Variants in LHFPL5 observed in about 807,000 individuals in gnomAD.
LHFPL5 encodes LHFPL tetraspan subfamily member 5, also known as LHFPL tetraspan subfamily member 5 protein.
In LHFPL5, 12 loss-of-function variants were observed where a neutral mutation model predicts 18.7. The observed-to-expected ratio is 0.64, with a 90% confidence interval of 0.41 to 1.04. The LOEUF (loss-of-function observed/expected upper bound fraction) is 1.04, where lower values mean the gene tolerates loss of function less well. Ranked by LOEUF, LHFPL5 falls within the 50% of genes least tolerant of loss-of-function variation. The probability of loss-of-function intolerance (pLI) is 0.00; values close to 1 mark genes in which losing one functional copy is unlikely to be tolerated. For missense variants in LHFPL5, 259 were observed against 292.1 expected (o/e 0.89, Z 0.83); for synonymous variants, 111 against 120.2 (o/e 0.92, Z 0.50).
intron 1 of LHFPL5, among the ~76,000 whole-genome samples, chr6:35,808,250 AG>A (rs1768603556): frequency 6.6e-6 from 1 of 151,320 alleles, no homozygotes. Flanking sequence ...CAGAAGTTCA[AG>A]ACTTCAAGAC....
At chr6:35,807,512 G>T (rs1768591147) in intron 1 of LHFPL5, among the ~76,000 whole-genome samples, 1 of 152,114 alleles carries the variant, frequency 6.6e-6, no homozygotes, top group Admixed American at 6.6e-5. Context: ...TCGGTGAGAT[G>T]TCCAGGAGTA....
intron 1 of LHFPL5, among the ~76,000 whole-genome samples, chr6:35,813,741 C>A (rs1410669022): frequency 6.7e-6 from 1 of 148,340 alleles, no homozygotes; most frequent in African/African-American, 2.5e-5. Flanking sequence ...ACCATAAAAA[C>A]AAAATATACT....
chr6:35,806,857 T>G (rs183208964), intron 1 of LHFPL5, among the ~76,000 whole-genome samples: 5 of 152,284 alleles, frequency 3.3e-5, no homozygotes, highest in African/African-American at 7.2e-5. Context: ...AGAGTCTCAC[T>G]CTTTGGCTCA....
chr6:35,809,704 A>G (rs775192532), intron 1 of LHFPL5, among the ~76,000 whole-genome samples: 30 of 152,140 alleles, frequency 2.0e-4, no homozygotes, highest in Admixed American at 6.6e-5. Context: ...GGGTTTCACC[A>G]TGTTGCTCAG....
intron 3 of LHFPL5, chr6:35,819,741 G>A (rs959059762): frequency 1.1e-5 from 5 of 469,098 alleles, no homozygotes; most frequent in Admixed American, 3.3e-5. Flanking sequence ...GCAATGGTGC[G>A]ATCTCGGCTC....
rs886061340 is a variant in LHFPL5, at chr6:35,805,366, G to A, written c.-305G>A. ...GGGGCGGGGCTCTCGGGAGCCGTGA[G>A]CCGGGAAGAGGGAGACGGGCAGGGC... On this transcript the variant is annotated 5_prime_UTR_variant, in exon 1 of 4. Coordinates refer to ENST00000360215, the MANE Select transcript of LHFPL5 (RefSeq NM_182548.4). The surrounding 1 kb of genome is among the most constrained non-coding windows in gnomAD (Gnocchi z 4.3). 5 of 373,450 alleles carry A rather than the reference G, an allele frequency of 1.3e-5. No homozygotes were observed. Among genetic ancestry groups the A allele is most frequent in the South Asian group, 9.0e-5 (3 of 33,492 alleles). The allele number at this position is 373,450 out of a possible 1,614,324, so 23.1% of individuals were successfully genotyped here. A position where few individuals can be genotyped will look rare whatever the true frequency, so the allele number is the denominator to read the frequency against.
At position 35,823,916 on chromosome 6, in the gene LHFPL5, C is replaced by T. The variant is rs1379617115; in HGVS notation, c.*951C>T. On this transcript the variant is annotated 3_prime_UTR_variant, in exon 4 of 4. Coordinates refer to ENST00000360215, the MANE Select transcript of LHFPL5 (RefSeq NM_182548.4). ...ATAGTCATCTATAGGGGGATTGGTT[C>T]CAGGATCCCCTGCAGATGCCAAAAT... is the stretch of plus-strand genomic sequence containing the variant. 6.6e-6 allele frequency: 1 copy of T among 151,822 alleles called. No homozygotes were observed. The highest frequency in any genetic ancestry group is 2.4e-5 in the African/African-American group (1 of 41,296). The allele number at this position is 151,822 out of a possible 1,614,324, so 9.4% of individuals were successfully genotyped here.
chr6:35,807,633 A>AT (rs1768592995), intron 1 of LHFPL5, among the ~76,000 whole-genome samples: 1 of 152,180 alleles, frequency 6.6e-6, no homozygotes, highest in Non-Finnish European at 1.5e-5. Context: ...ACCACCAAAC[A>AT]TGCAGATTCA....
chr6:35,815,262 C>A (rs1462190404), intron 2 of LHFPL5, among the ~76,000 whole-genome samples: 1 of 152,074 alleles, frequency 6.6e-6, no homozygotes, highest in Non-Finnish European at 1.5e-5. Context: ...GGAACAGCAG[C>A]CTTGGGATTC....
At chr6:35,810,688 T>G (rs1037698954) in intron 1 of LHFPL5, among the ~76,000 whole-genome samples, 17 of 151,324 alleles carry the variant, frequency 1.1e-4, no homozygotes, top group Admixed American at 9.2e-4. Context: ...TTAGCTGGGC[T>G]TGGTGGCGGG....
intron 1 of LHFPL5, among the ~76,000 whole-genome samples, chr6:35,808,477 G>C (rs1768608051): frequency 6.9e-6 from 1 of 144,374 alleles, no homozygotes; most frequent in African/African-American, 2.5e-5. Context: ...GCGAAACTGT[G>C]TCTCTACAAA....
intron 1 of LHFPL5, among the ~76,000 whole-genome samples, chr6:35,808,118 G>A (rs922653690): frequency 6.6e-6 from 1 of 151,830 alleles, no homozygotes; most frequent in Non-Finnish European, 1.5e-5. Context: ...CGGGGCAGGG[G>A]TGGGCAGTGG....
chr6:35,805,447 G>C lies in LHFPL5; in HGVS notation c.-224G>C, dbSNP rs1768552257. 2 of 576,472 alleles carry C rather than the reference G, an allele frequency of 3.5e-6. No individual in the cohort carries two copies. Among genetic ancestry groups the C allele is most frequent in the African/African-American group, 3.7e-5 (2 of 53,424 alleles). The allele number at this position is 576,472 out of a possible 1,614,324, so 35.7% of individuals were successfully genotyped here. A position where few individuals can be genotyped will look rare whatever the true frequency, so the allele number is the denominator to read the frequency against. ...GAGGCAGGAGACTGGAGACAGCCTC[G>C]GCTAGAGCGGACACAGGCACCTGGC... On this transcript the variant is annotated 5_prime_UTR_variant, in exon 1 of 4. Transcript: ENST00000360215. This position sits in a 1 kb window ranked among gnomAD's most constrained non-coding sequence, Gnocchi z 4.3.
intron 1 of LHFPL5, among the ~76,000 whole-genome samples, chr6:35,813,792 CTTTTTTTTTTTT>C (rs1012092184): frequency 2.5e-5 from 3 of 121,530 alleles, no homozygotes; most frequent in African/African-American, 9.9e-5. Context: ...TTTCCTTTTC[CTTTTTTTTTTTT>C]TTTTTTTTTG....
At chr6:35,808,402 C>G (rs1768606852) in intron 1 of LHFPL5, among the ~76,000 whole-genome samples, 1 of 146,462 alleles carries the variant, frequency 6.8e-6, no homozygotes, top group Non-Finnish European at 1.5e-5. Context: ...AATCCCAGCA[C>G]TTTGGGAGGG....
rs796312357 is a variant in LHFPL5 at position 35,822,489 on chromosome 6, G to GT, written c.*17-486dup. Among the ~76,000 whole-genome samples the GT allele has an allele frequency of 4.6e-5, 7 of 152,054 alleles. No individual in the cohort carries two copies. In the South Asian group the frequency reaches 1.0e-3, roughly 23 times the overall value. On this transcript the variant is annotated intron_variant, in intron 3 of 3. Coordinates refer to ENST00000360215, the MANE Select transcript of LHFPL5 (RefSeq NM_182548.4). ...GTTTATTATTTATTTTTGATACATA[G>GT]TTTTTTTGTTTTGTTTTGTTTTTTG...
rs755159127 is a variant in LHFPL5 at position 35,814,791 on chromosome 6, C to T, written c.649+9C>T. 7.5e-6 allele frequency: 12 copies of T among 1,609,854 alleles called. No homozygotes were observed. The East Asian group carries it at 2.2e-4, about 30-fold the overall frequency. On this transcript the variant is annotated intron_variant, in intron 2 of 3. Transcript: ENST00000360215. The surrounding 1 kb of genome is among the most constrained non-coding windows in gnomAD (Gnocchi z 4.2). Reference sequence around the variant, plus strand: ...CAAGGCAGATGGAACCGGTAATCACCCAACTCCACAATGGTGTCCCCTGCC... The same window carrying T: ...CAAGGCAGATGGAACCGGTAATCACTCAACTCCACAATGGTGTCCCCTGCC...
At position 35,819,430 on chromosome 6, in the gene LHFPL5, A is replaced by T. The variant is rs1235029405; in HGVS notation, c.650-7A>T. The T allele has an allele frequency of 6.2e-7, 1 of 1,613,964 alleles. No homozygotes were observed. The highest frequency in any genetic ancestry group is 1.1e-5 in the South Asian group (1 of 91,068). ...AGTAACGTATACTGTTCTCTCCTTC[A>T]TTACAGAGGAGGTGTGAAGCAGCTG... is the stretch of plus-strand genomic sequence containing the variant. On this transcript the variant is annotated splice_region_variant and splice_polypyrimidine_tract_variant and intron_variant, in intron 2 of 3. Coordinates refer to ENST00000360215, the MANE Select transcript of LHFPL5 (RefSeq NM_182548.4).
chr6:35,814,516 A>T lies in LHFPL5; in HGVS notation c.413-30A>T. ...TAGCGGGCTAGGCACACTCGGCCTG[A>T]TGCCATGTGCACCCCTCCTTCCCCC... is the stretch of plus-strand genomic sequence containing the variant. On this transcript the variant is annotated intron_variant, in intron 1 of 3. Coordinates refer to ENST00000360215, the MANE Select transcript of LHFPL5 (RefSeq NM_182548.4). This position sits in a 1 kb window ranked among gnomAD's most constrained non-coding sequence, Gnocchi z 4.2. 1 of 1,544,678 alleles carries T rather than the reference A, an allele frequency of 6.5e-7. No individual in the cohort carries two copies. Among genetic ancestry groups the T allele is most frequent in the South Asian group, 1.1e-5 (1 of 89,788 alleles).
Sources: allele counts gnomAD v4.1 joint callset (sites outside exome capture counted in the v4.1 genomes callset), GRCh38; gene constraint gnomAD v4.1.1; non-coding constraint Gnocchi (gnomAD v3.1); transcripts MANE v1.5; gene names NCBI Gene and HGNC (gene_info 2026-07-23, HGNC 2026-07-21).